Variants in TTC39C observed in about 807,000 individuals in gnomAD.
TTC39C encodes tetratricopeptide repeat protein 39C.
In TTC39C, 33 loss-of-function variants were observed where a neutral mutation model predicts 76.3. The ratio of observed to expected loss-of-function variants is 0.43; its 90% confidence interval spans 0.33 to 0.58. TTC39C has a LOEUF of 0.58. TTC39C is among the 20% of genes least tolerant of loss of function. TTC39C has a pLI of 0.04. For synonymous variants in TTC39C, 254 were observed against 260.6 expected, an observed-to-expected ratio of 0.97 and a Z score of 0.24; for missense variants, 595 against 701.4, an observed-to-expected ratio of 0.85 and a Z score of 1.71.
At chr18:24,086,322 G>T (rs1307356418) in intron 6 of TTC39C, among the ~76,000 whole-genome samples, 1 of 152,136 alleles carries the variant, frequency 6.6e-6, no homozygotes, top group Admixed American at 6.5e-5. Flanking sequence ...AACATGCAGG[G>T]TGACTGTCTC....
chr18:24,122,968 A>C (rs542037684), intron 8 of TTC39C, among the ~76,000 whole-genome samples: 24 of 152,284 alleles, frequency 1.6e-4, no homozygotes, highest in African/African-American at 5.1e-4. Flanking sequence ...GTGTGTGAGC[A>C]TGTGTGATCT....
chr18:24,019,824 C>T, intron 1 of TTC39C: 2 of 1,508,302 alleles, frequency 1.3e-6, no homozygotes, highest in Non-Finnish European at 8.9e-7. Flanking sequence ...ATATGGCATG[C>T]AAAGCCTAAA....
At position 24,093,883 on chromosome 18, in the gene TTC39C, C is replaced by G. The variant is rs116568514; in HGVS notation, c.984+10802C>G. Among the ~76,000 whole-genome samples the G allele has an allele frequency of 8.5e-3, 1,299 of 152,234 alleles. 20 individuals are homozygous for G. The highest frequency in any genetic ancestry group is 0.029 in the African/African-American group (1,212 of 41,538). Reference sequence around the variant, plus strand: ...TTGCCTAGATGTCGATGGCTACTGGCTGATCAGGATGGTGGTTGCTGAAGG... The same window carrying G: ...TTGCCTAGATGTCGATGGCTACTGGGTGATCAGGATGGTGGTTGCTGAAGG... On this transcript the variant is annotated intron_variant, in intron 6 of 13. Coordinates refer to ENST00000317571, the MANE Select transcript of TTC39C (RefSeq NM_001135993.2).
In TTC39C at chr18:24,087,582, G is replaced by GTTTTTTTTTGT. The variant is rs1555774954; in HGVS notation, c.984+4510_984+4511insGTTTTTTTTTT. On this transcript the variant is annotated intron_variant, in intron 6 of 13. Coordinates refer to ENST00000317571, the MANE Select transcript of TTC39C (RefSeq NM_001135993.2). Reference sequence around the variant, plus strand: ...TTCCTATGCAAGCATTTTGAGAACTGTTTTTTTTTTGTTTTTTTTTGAGAC... The same window carrying GTTTTTTTTTGT: ...TTCCTATGCAAGCATTTTGAGAACTGTTTTTTTTTGTTTTTTTTTTTGTTTTTTTTTGAGAC... 6.4e-5 allele frequency among the ~76,000 whole-genome samples: 8 copies of GTTTTTTTTTGT among 124,200 alleles called. No individual in the cohort carries two copies. In the South Asian group the frequency reaches 7.4e-4, roughly 11 times the overall value. 81.5% of individuals were successfully genotyped at this position (124,200 alleles called of 152,430 possible).
At chr18:24,063,184 A>T (rs1397240390) in intron 1 of TTC39C, among the ~76,000 whole-genome samples, 1 of 152,214 alleles carries the variant, frequency 6.6e-6, no homozygotes, top group Admixed American at 6.5e-5. Context: ...TTGAAGCAGA[A>T]CATTTATATT....
intron 4 of TTC39C, among the ~76,000 whole-genome samples, chr18:24,074,706 C>T (rs138250681): frequency 0.021 from 3,248 of 152,182 alleles, 110 homozygotes; most frequent in African/African-American, 0.07. Context: ...GTTGGTGGGA[C>T]GGTAAACTAG....
At chr18:24,058,158 T>A (rs1309437011) in intron 1 of TTC39C, among the ~76,000 whole-genome samples, 1 of 152,148 alleles carries the variant, frequency 6.6e-6, no homozygotes, top group African/African-American at 2.4e-5. Context: ...CAGGGTCTAC[T>A]TGAGGGTGGA....
rs185012639 is a variant in TTC39C, at chr18:24,019,814, A to T, written c.167+4776A>T. 4.2e-4 allele frequency: 620 copies of T among 1,463,984 alleles called. 1 individual carries two copies. The highest frequency in any genetic ancestry group is 5.4e-4 in the Non-Finnish European group (585 of 1,090,522). The allele number at this position is 1,463,984 out of a possible 1,614,324, so 90.7% of individuals were successfully genotyped here. ...GCAGAAATGAGTAGTGTCAGAGACCATATGGCATGCAAAGCCTAAAATATC... is the reference window on the plus strand; with the variant it reads ...GCAGAAATGAGTAGTGTCAGAGACCTTATGGCATGCAAAGCCTAAAATATC... On this transcript the variant is annotated intron_variant, in intron 1 of 13. Coordinates refer to ENST00000317571, the MANE Select transcript of TTC39C (RefSeq NM_001135993.2).
At chr18:24,129,257 AGAG>A (rs1455908293) in intron 11 of TTC39C, among the ~76,000 whole-genome samples, 1 of 152,090 alleles carries the variant, frequency 6.6e-6, no homozygotes. Flanking sequence ...TCCACTGGAG[AGAG>A]GAGGACATGA....
intron 1 of TTC39C, among the ~76,000 whole-genome samples, chr18:24,018,996 C>T (rs969218174): frequency 6.6e-5 from 10 of 152,166 alleles, no homozygotes; most frequent in Admixed American, 2.6e-4. Flanking sequence ...TTGTCCACAG[C>T]GTGGCTGTCA....
chr18:24,023,948 ATG>A lies in TTC39C; in HGVS notation c.167+8912_167+8913del, dbSNP rs1599245585. On this transcript the variant is annotated intron_variant, in intron 1 of 13. Coordinates refer to ENST00000317571, the MANE Select transcript of TTC39C (RefSeq NM_001135993.2). ...AATAAAATTACATATATATATATGC[ATG>A]TATATATATATATATATATATATAT... Among the ~76,000 whole-genome samples, 48 of 15,966 alleles carry A rather than the reference ATG, an allele frequency of 3.0e-3. 3 individuals are homozygous for A. Among genetic ancestry groups the A allele is most frequent in the East Asian group, 0.013 (6 of 476 alleles). The allele number at this position is 15,966 out of a possible 152,430, so 10.5% of individuals were successfully genotyped here.
At chr18:24,042,564 G>A (rs1394563872) in intron 1 of TTC39C, among the ~76,000 whole-genome samples, 1 of 152,188 alleles carries the variant, frequency 6.6e-6, no homozygotes, top group Non-Finnish European at 1.5e-5. Context: ...CGACCCAGGG[G>A]TTGGGAACCC....
Position 24,134,649 on chromosome 18 carries a change from C to T in TTC39C, c.*2075C>T, listed in dbSNP as rs937890083. 6.6e-6 allele frequency: 1 copy of T among 152,112 alleles called. No individual in the cohort carries two copies. The highest frequency in any genetic ancestry group is 2.4e-5 in the African/African-American group (1 of 41,432). 9.4% of individuals were successfully genotyped at this position (152,112 alleles called of 1,614,324 possible). A position where few individuals can be genotyped will look rare whatever the true frequency, so the allele number is the denominator to read the frequency against. On this transcript the variant is annotated 3_prime_UTR_variant, in exon 14 of 14. Coordinates refer to ENST00000317571, the MANE Select transcript of TTC39C (RefSeq NM_001135993.2). ...AAAATACGGCTGTTGCCATTTTTCTCTCTTCTTAACATGCAGCATAGGTGA... is the reference window on the plus strand; with the variant it reads ...AAAATACGGCTGTTGCCATTTTTCTTTCTTCTTAACATGCAGCATAGGTGA...
At chr18:24,130,240 T>G in intron 11 of TTC39C, 73 bp from the exon 12 acceptor site, 2 of 666,368 alleles carry the variant, frequency 3.0e-6, no homozygotes, top group Non-Finnish European at 5.0e-6. Context: ...TCCCGCCCCC[T>G]CTTGAAGATT....
intron 1 of TTC39C, among the ~76,000 whole-genome samples, chr18:24,000,883 T>C (rs1420739187): frequency 6.6e-6 from 1 of 152,184 alleles, no homozygotes; most frequent in African/African-American, 2.4e-5. Flanking sequence ...AAACAGAGAC[T>C]GTCGTTACTT....
In TTC39C at chr18:24,077,551, T is replaced by C. The variant is rs544972447; in HGVS notation, c.461-3034T>C. The stretch of plus-strand genomic sequence containing the variant: ...CTTATTTTTTCCTTTGTTTATTTTC[T>C]TTTCTAATTTTATTGTGGGCATTAG... On this transcript the variant is annotated intron_variant, in intron 4 of 13. Coordinates refer to ENST00000317571, the MANE Select transcript of TTC39C (RefSeq NM_001135993.2). Among the ~76,000 whole-genome samples, 54 of 152,358 alleles carry C rather than the reference T, an allele frequency of 3.5e-4. 1 individual carries two copies. Among genetic ancestry groups the C allele is most frequent in the Middle Eastern group, 6.8e-3 (2 of 294 alleles).
At chr18:24,001,745 T>C (rs12954962) in intron 1 of TTC39C, 86,258 of 151,728 alleles carry the variant, frequency 0.57, 27,699 homozygotes, top group Non-Finnish European at 0.74. Context: ...AAAATTGGAA[T>C]AGGTAAGAGG....
At chr18:24,093,016 C>T (rs576491453) in intron 6 of TTC39C, among the ~76,000 whole-genome samples, 5 of 152,182 alleles carry the variant, frequency 3.3e-5, no homozygotes, top group South Asian at 2.1e-4. Context: ...TGTAGTGAGC[C>T]GTGAAGGCAC....
chr18:24,050,229 C>A (rs8087345), intron 1 of TTC39C, among the ~76,000 whole-genome samples: 3,501 of 152,250 alleles, frequency 0.023, 131 homozygotes, highest in African/African-American at 0.074. Flanking sequence ...TAAGGGACAC[C>A]CCTGCATTGC....
Sources: gnomAD v4.1 joint callset for allele counts (sites outside exome capture counted in the v4.1 genomes callset) on GRCh38, gnomAD v4.1.1 for gene constraint, MANE v1.5 for transcripts, NCBI Gene and HGNC (gene_info 2026-07-23, HGNC 2026-07-21) for gene names.